Variants in NARF observed in about 807,000 individuals in gnomAD.
The protein encoded by NARF is iron-only hydrogenase-like protein 2.
A neutral mutation model predicts 48.0 loss-of-function variants in NARF; 41 were observed. That is an observed-to-expected ratio of 0.85 (90% CI 0.66 to 1.11). The LOEUF is 1.11. Among genes scored for constraint, NARF ranks in the 50% least tolerant of loss-of-function variants. The probability of loss-of-function intolerance (pLI) is 0.00; values close to 1 mark genes in which losing one functional copy is unlikely to be tolerated. For synonymous variants in NARF, 215 were observed against 225.5 expected, an observed-to-expected ratio of 0.95 and a Z score of 0.42; for missense variants, 613 against 590.2, an observed-to-expected ratio of 1.04 and a Z score of -0.40.
chr17:82,487,623 C>G (rs765863367), intron 10 of NARF, among the ~76,000 whole-genome samples: 20 of 152,174 alleles, frequency 1.3e-4, no homozygotes, highest in Non-Finnish European at 2.1e-4. Flanking sequence ...CCCCTTTATT[C>G]CTCTCCTGCT....
chr17:82,473,114 T>C (rs909369050), intron 5 of NARF, among the ~76,000 whole-genome samples: 18 of 151,096 alleles, frequency 1.2e-4, no homozygotes, highest in Non-Finnish European at 4.4e-5. Context: ...CTAATTATTG[T>C]ATTATTAGTG....
intron 6 of NARF, chr17:82,480,404 C>T (rs756141181): frequency 9.5e-5 from 38 of 401,972 alleles, no homozygotes; most frequent in Middle Eastern, 9.3e-4. Context: ...CCCATGTGCA[C>T]AGGTTCAGGA....
chr17:82,474,089 C>A (rs190941777), intron 5 of NARF, among the ~76,000 whole-genome samples: 2 of 152,210 alleles, frequency 1.3e-5, no homozygotes, highest in Admixed American at 6.6e-5. Context: ...GAATCCTAGC[C>A]TGAGGTGTTT....
In NARF at chr17:82,481,158, G is replaced by A; in HGVS notation, c.716G>A (p.Ser239Asn). 6.2e-7 allele frequency: 1 copy of A among 1,614,108 alleles called. No homozygotes were observed. The highest frequency in any genetic ancestry group is 8.5e-7 in the Non-Finnish European group (1 of 1,180,016). The change falls in exon 7 of 11, where the codon AGC (serine) becomes AAC (asparagine). Residue 239 changes from serine to asparagine, a missense_variant. Coordinates refer to ENST00000309794, the MANE Select transcript of NARF (RefSeq NM_012336.4). ...AAGAAGCTGGAGGCTCTTCAGGAAA[G>A]CCTTCCCCCTGCTTTGCATGGCTCC... ...YDKKLEALQE[S>N]LPPALHGSRG...
At chr17:82,461,656 A>G (rs929560200) in intron 2 of NARF, among the ~76,000 whole-genome samples, 4 of 152,216 alleles carry the variant, frequency 2.6e-5, no homozygotes, top group African/African-American at 9.6e-5. Context: ...TCACGCCCAG[A>G]AGGAACATTA....
In NARF at chr17:82,464,422, C is replaced by G; in HGVS notation, c.244C>G (p.Leu82Val). The change falls in exon 3 of 11, where the codon CTT becomes GTT. Residue 82 changes from leucine (L) to valine (V), a missense_variant. Transcript: ENST00000309794. ...CAAGGACTTCTTCCGCGTTCTGAACCTTAACAAGGTAAGGCATTCGGGGCA... is the reference window on the plus strand; with the variant it reads ...CAAGGACTTCTTCCGCGTTCTGAACGTTAACAAGGTAAGGCATTCGGGGCA... ...NAKDFFRVLN[L>V]NKKCDTSKHK... 1 of 1,612,460 alleles carries G rather than the reference C, an allele frequency of 6.2e-7. No homozygotes were observed. Among genetic ancestry groups the G allele is most frequent in the Non-Finnish European group, 8.5e-7 (1 of 1,179,110 alleles).
intron 5 of NARF, among the ~76,000 whole-genome samples, chr17:82,475,772 C>T (rs1025158262): frequency 2.0e-5 from 3 of 152,112 alleles, no homozygotes; most frequent in Admixed American, 6.5e-5. Context: ...CTGCCACAGG[C>T]GGAGGGATCA....
chr17:82,466,398 T>C (rs980210492), intron 3 of NARF, among the ~76,000 whole-genome samples: 7 of 152,196 alleles, frequency 4.6e-5, no homozygotes, highest in African/African-American at 7.2e-5. Flanking sequence ...TTATGCTGCT[T>C]GTCCAGTCTA....
At chr17:82,459,292 G>C in intron 1 of NARF, 1 of 556,788 alleles carries the variant, frequency 1.8e-6, no homozygotes, top group Non-Finnish European at 2.3e-6. Flanking sequence ...CAACAACCGC[G>C]CAGCGCACGC....
At chr17:82,464,162 A>G (rs1276622180) in intron 2 of NARF, 125 bp from the exon 3 acceptor site, 29 of 1,289,548 alleles carry the variant, frequency 2.2e-5, no homozygotes, top group Non-Finnish European at 3.1e-5. Flanking sequence ...CTTGAGCACC[A>G]GGCCTGGACC....
intron 4 of NARF, among the ~76,000 whole-genome samples, chr17:82,471,756 C>A (rs1291016682): frequency 4.8e-5 from 6 of 125,720 alleles, no homozygotes; most frequent in African/African-American, 1.8e-4. Context: ...AGCGCCACTG[C>A]AGTCCAGCTT....
chr17:82,470,751 C>T (rs979718391), intron 4 of NARF, among the ~76,000 whole-genome samples: 4 of 152,066 alleles, frequency 2.6e-5, no homozygotes, highest in Non-Finnish European at 4.4e-5. Context: ...GCCTTGGACT[C>T]CCAAAGTACT....
chr17:82,487,554 T>C (rs1599859281), intron 10 of NARF, among the ~76,000 whole-genome samples: 1 of 151,790 alleles, frequency 6.6e-6, no homozygotes, highest in Admixed American at 6.5e-5. Context: ...CTGACAGCCT[T>C]GAGGAAGACC....
intron 4 of NARF, 80 bp from the exon 5 acceptor site, chr17:82,472,484 A>AG: frequency 4.0e-6 from 1 of 251,102 alleles, no homozygotes; most frequent in African/African-American, 2.6e-5. Flanking sequence ...ACTCCGTCTC[A>AG]AAAAAAAAAA....
At position 82,472,563 on chromosome 17, in the gene NARF, G is replaced by C; in HGVS notation, c.386-1G>C. On this transcript the variant is annotated splice_acceptor_variant, in intron 4 of 10. Transcript: ENST00000309794. LOFTEE classifies it high-confidence loss of function. The stretch of plus-strand genomic sequence containing the variant: ...GCTGAATATGCTCCTCTCTCCTGCA[G>C]GGGTGCACTATGTATTTGATACGAC... The C allele has an allele frequency of 6.2e-7, 1 of 1,611,232 alleles. No individual in the cohort carries two copies. The highest frequency in any genetic ancestry group is 8.5e-7 in the Non-Finnish European group (1 of 1,178,692).
At chr17:82,487,476 T>A (rs1445791114) in intron 10 of NARF, among the ~76,000 whole-genome samples, 7 of 137,876 alleles carry the variant, frequency 5.1e-5, no homozygotes, top group Admixed American at 2.2e-4. Flanking sequence ...GGAGAGAGAC[T>A]CTGTCTCGAA....
At chr17:82,478,713 G>A (rs532413282) in intron 5 of NARF, 87 bp from the exon 6 acceptor site, 1 of 1,333,210 alleles carries the variant, frequency 7.5e-7, no homozygotes, top group South Asian at 1.2e-5. Context: ...TGGGGCGGCA[G>A]GGACTCGAGC....
intron 8 of NARF, 189 bp from the exon 9 acceptor site, chr17:82,484,624 C>T (rs2044052852): frequency 1.7e-6 from 1 of 577,432 alleles, no homozygotes; most frequent in East Asian, 3.4e-5. Context: ...GCCCGAGCAT[C>T]AGGCAGGCCC....
chr17:82,464,505 A>C, intron 3 of NARF, 75 bp downstream of exon 3: 1 of 1,506,884 alleles, frequency 6.6e-7, no homozygotes, highest in East Asian at 2.3e-5. Context: ...GGCTTCCTGC[A>C]CAGAAGCCTC....
Sources: gnomAD v4.1 joint callset for allele counts (sites outside exome capture counted in the v4.1 genomes callset) on GRCh38, gnomAD v4.1.1 for gene constraint, MANE v1.5 for transcripts, NCBI Gene and HGNC (gene_info 2026-07-23, HGNC 2026-07-21) for gene names.